MYLK3: variants seen among roughly 807,000 people sequenced by gnomAD.
The protein encoded by MYLK3 is MLC kinase.
In MYLK3, 55 loss-of-function variants were observed where a neutral mutation model predicts 76.3. That is an observed-to-expected ratio of 0.72 (90% CI 0.58 to 0.90). MYLK3 has a LOEUF of 0.90. MYLK3 is among the 40% of genes least tolerant of loss of function. MYLK3 has a pLI of 0.00. For synonymous variants in MYLK3, 416 were observed against 425.4 expected, an observed-to-expected ratio of 0.98 and a Z score of 0.27; for missense variants, 973 against 1,053.6, an observed-to-expected ratio of 0.92 and a Z score of 1.06.
At position 46,738,090 on chromosome 16, in the gene MYLK3, T is replaced by C. The variant is rs1966880755; in HGVS notation, c.622A>G (p.Arg208Gly). ...GGGTCAGCTCCCAGCCCTGACGCTC[T>C]GATGGGGGGCAGCCTCTCCGCTGTC... Reference protein sequence around the residue: ...EGTAERLPPIRASGLGADPAQ... With the variant: ...EGTAERLPPIGASGLGADPAQ... Residue 208 changes from arginine (R) to glycine (G), a missense_variant, in exon 3 of 13, where the codon AGA becomes GGA. Arg to Gly is a moderately radical substitution (Grantham distance 125). Transcript: ENST00000394809. 1 of 1,593,616 alleles carries C rather than the reference T, an allele frequency of 6.3e-7. No individual in the cohort carries two copies. The highest frequency in any genetic ancestry group is 1.3e-5 in the African/African-American group (1 of 74,718).
Position 46,729,127 on chromosome 16 carries a change from C to A in MYLK3, c.1669G>T (p.Val557Leu). ...KVKSAKDRED[V>L]KNEINIMNQL... is the part of the protein sequence containing the mutation. ...TTCATGATGTTGATCTCGTTCTTCA[C>A]GTCCTCCTTGGGGGAACCAGAGGAC... Residue 557 changes from valine (V) to leucine (L), a missense_variant, in exon 7 of 13, where the codon GTG (valine) becomes TTG (leucine). By Grantham distance (32) the Val-to-Leu change is conservative. Around this residue, in one of 2 missense-constraint regions of MYLK3, gnomAD observed 332 missense variants for 416.6 expected, o/e 0.80. Transcript: ENST00000394809. 6.2e-7 allele frequency: 1 copy of A among 1,613,846 alleles called. No homozygotes were observed. Among genetic ancestry groups the A allele is most frequent in the Non-Finnish European group, 8.5e-7 (1 of 1,179,712 alleles).
chr16:46,731,111 A>G (rs1966851700), intron 4 of MYLK3, among the ~76,000 whole-genome samples: 1 of 152,204 alleles, frequency 6.6e-6, no homozygotes, highest in Admixed American at 6.5e-5. Context: ...GGGTGTTATG[A>G]GAGGGAGGCA....
intron 7 of MYLK3, 101 bp from the exon 8 acceptor site, chr16:46,727,478 C>T: frequency 1.5e-6 from 2 of 1,291,220 alleles, no homozygotes; most frequent in African/African-American, 1.5e-5. Context: ...CGGGTAGGCC[C>T]ACCATCACAC....
upstream of MYLK3, among the ~76,000 whole-genome samples, chr16:46,749,555 G>A (rs942002562): frequency 3.3e-4 from 50 of 152,238 alleles, 1 homozygote; most frequent in East Asian, 1.5e-3. Context: ...CCAGGTGTTC[G>A]AAACCAGCCT....
chr16:46,741,154 T>C (rs1447910453), intron 1 of MYLK3, among the ~76,000 whole-genome samples: 1 of 152,350 alleles, frequency 6.6e-6, no homozygotes, highest in East Asian at 1.9e-4. Flanking sequence ...AAAATGGGGA[T>C]AATCATGTTA....
At chr16:46,750,744 C>G (rs895802904), upstream of MYLK3, among the ~76,000 whole-genome samples, 3 of 152,024 alleles carry the variant, frequency 2.0e-5, no homozygotes, top group African/African-American at 7.2e-5. Flanking sequence ...AATCCCAGCA[C>G]TTTGGGAGGC....
chr16:46,755,648 C>T (rs1967188648), intron 1 of MYLK3, among the ~76,000 whole-genome samples: 1 of 152,116 alleles, frequency 6.6e-6, no homozygotes, highest in Admixed American at 6.5e-5. Flanking sequence ...TAACTTCTGC[C>T]TCTGCCAGTT....
upstream of MYLK3, among the ~76,000 whole-genome samples, chr16:46,750,546 T>G (rs542054941): frequency 1.2e-4 from 18 of 152,048 alleles, no homozygotes; most frequent in Non-Finnish European, 2.5e-4. Context: ...ATACAAAAAT[T>G]TGCTGGGCAT....
chr16:46,737,860 T>G lies in MYLK3; in HGVS notation c.852A>C (p.Ala284=), dbSNP rs1966877467. The part of the protein sequence containing the change: ...VSPSLEVAPG[A]GQGASSSRPD... ...GCCTGCTGGACGATGCTCCTTGTCC[T>G]GCACCTGGTGCAACCTCCAGGCTCG... Residue 284 remains alanine, a synonymous_variant, in exon 3 of 13, where the codon GCA becomes GCC. Transcript: ENST00000394809. 2 of 1,614,086 alleles carry G rather than the reference T, an allele frequency of 1.2e-6. No individual in the cohort carries two copies. The highest frequency in any genetic ancestry group is 4.5e-5 in the East Asian group (2 of 44,880).
chr16:46,712,773 G>A lies in MYLK3; in HGVS notation c.1989C>T (p.Tyr663=). Reference sequence around the variant, plus strand: ...TCACCTTCAGCTTCTCTCGAGGCTTGTACCTGGGGAGAAGGGGAGGGTACA... The same window carrying A: ...TCACCTTCAGCTTCTCTCGAGGCTTATACCTGGGGAGAAGGGGAGGGTACA... ...KIIDFGLARR[Y]KPREKLKVNF... Residue 663 remains tyrosine (Y), a synonymous_variant, in exon 10 of 13, where the codon TAC becomes TAT. Transcript: ENST00000394809. 6.3e-7 allele frequency: 1 copy of A among 1,592,360 alleles called. No individual in the cohort carries two copies. The highest frequency in any genetic ancestry group is 1.1e-5 in the South Asian group (1 of 87,814).
intron 6 of MYLK3, 53 bp downstream of exon 6, chr16:46,729,541 G>A (rs1966848339): frequency 2.6e-6 from 4 of 1,534,670 alleles, no homozygotes; most frequent in East Asian, 2.2e-5. Context: ...CCTGAGGGAA[G>A]GAAAGGAATC....
At chr16:46,752,422 C>T (rs747020263), upstream of MYLK3, among the ~76,000 whole-genome samples, 1 of 152,018 alleles carries the variant, frequency 6.6e-6, no homozygotes, top group African/African-American at 2.4e-5. Flanking sequence ...TTTTAAATGT[C>T]GTCACCCAGG....
chr16:46,709,782 G>T (rs1966664650), intron 11 of MYLK3, 111 bp from the exon 12 acceptor site: 2 of 1,265,852 alleles, frequency 1.6e-6, no homozygotes, highest in Admixed American at 2.4e-5. Flanking sequence ...TAATCATTTA[G>T]GCAGATTCAT....
intron 3 of MYLK3, 68 bp downstream of exon 3, chr16:46,737,643 C>A (rs533566018): frequency 4.1e-6 from 6 of 1,453,232 alleles, no homozygotes; most frequent in Non-Finnish European, 5.6e-6. Context: ...ATGCTGCCCA[C>A]GGCCGAGCTC....
chr16:46,716,823 C>T (rs1383562233), intron 9 of MYLK3, among the ~76,000 whole-genome samples: 1 of 152,120 alleles, frequency 6.6e-6, no homozygotes, highest in Non-Finnish European at 1.5e-5. Context: ...TCAATCATGC[C>T]TATGTATTGA....
chr16:46,742,743 G>A (rs1387399145), intron 1 of MYLK3, among the ~76,000 whole-genome samples: 3 of 152,200 alleles, frequency 2.0e-5, no homozygotes, highest in Non-Finnish European at 4.4e-5. Flanking sequence ...CCCAGCACCG[G>A]CGTGGGGGAG....
intron 9 of MYLK3, among the ~76,000 whole-genome samples, chr16:46,720,557 G>A (rs1205034966): frequency 3.3e-5 from 5 of 152,148 alleles, no homozygotes; most frequent in Non-Finnish European, 5.9e-5. Flanking sequence ...GATAGGATGG[G>A]TCCACACTGT....
At position 46,737,946 on chromosome 16, in the gene MYLK3, C is replaced by T. The variant is rs748243987; in HGVS notation, c.766G>A (p.Glu256Lys). The change falls in exon 3 of 13, where the codon GAG (glutamate) becomes AAG (lysine). Residue 256 changes from glutamate (E) to lysine (K), a missense_variant. Physicochemically the swap from Glu to Lys is moderately conservative, Grantham distance 56. Transcript: ENST00000394809. ...AATTCCAGGCCAGTCCTGAGGTTCT[C>T]GCTGGGTGTCTCAGGAGCCTTGGCT... ...VEAKAPETPSENLRTGLELAP... is the reference protein window; with the variant it reads ...VEAKAPETPSKNLRTGLELAP... The T allele has an allele frequency of 1.2e-5, 20 of 1,614,076 alleles. No homozygotes were observed. The highest frequency in any genetic ancestry group is 2.7e-5 in the African/African-American group (2 of 74,944).
At chr16:46,720,246 C>T (rs1462749229) in intron 9 of MYLK3, among the ~76,000 whole-genome samples, 2 of 152,130 alleles carry the variant, frequency 1.3e-5, no homozygotes, top group Admixed American at 6.5e-5. Context: ...CAGGGTCTAG[C>T]TCTACTGCCC....
Sources: gnomAD v4.1 joint callset for allele counts (sites outside exome capture counted in the v4.1 genomes callset) on GRCh38, gnomAD v4.1.1 for gene constraint, gnomAD v4.1.1 regional missense constraint, MANE v1.5 for transcripts, NCBI Gene and HGNC (gene_info 2026-07-23, HGNC 2026-07-21) for gene names.